GLT1D1: variants seen among roughly 807,000 people sequenced by gnomAD.
GLT1D1 encodes glycosyltransferase 1 domain-containing protein 1.
A neutral mutation model predicts 28.7 loss-of-function variants in GLT1D1; 21 were observed. The ratio of observed to expected loss-of-function variants is 0.73; its 90% CI spans 0.52 to 1.05. The LOEUF is 1.05. Ranked by LOEUF, GLT1D1 falls within the 50% of genes least tolerant of loss-of-function variation. The probability of loss-of-function intolerance (pLI) is 0.00; values close to 1 mark genes in which losing one functional copy is unlikely to be tolerated. For missense variants in GLT1D1, 343 were observed against 330.6 expected (o/e 1.04, Z -0.29); for synonymous variants, 147 against 124.8 (o/e 1.18, Z -1.19).
intron 4 of GLT1D1, among the ~76,000 whole-genome samples, chr12:128,942,727 TTTTC>T (rs1332366896): frequency 1.5e-5 from 2 of 137,736 alleles, no homozygotes; most frequent in Non-Finnish European, 3.0e-5. Flanking sequence ...TAGATTCCAA[TTTTC>T]TTTGTTTGTT....
At chr12:128,941,948 A>G (rs374535533) in intron 4 of GLT1D1, among the ~76,000 whole-genome samples, 1 of 45,230 alleles carries the variant, frequency 2.2e-5, no homozygotes, top group Non-Finnish European at 4.8e-5. Flanking sequence ...TGTTTTTATT[A>G]TTTAATAGCT....
At chr12:128,940,254 T>C (rs999594583) in intron 4 of GLT1D1, among the ~76,000 whole-genome samples, 5 of 152,196 alleles carry the variant, frequency 3.3e-5, no homozygotes, top group Admixed American at 3.3e-4. Flanking sequence ...TAGCAGTTAC[T>C]GTGTCCCAGG....
intron 4 of GLT1D1, among the ~76,000 whole-genome samples, chr12:128,904,623 CTTTTTTTTTTTTTTTT>C (rs59189244): frequency 0.4 from 55,419 of 139,536 alleles, 11,943 homozygotes; most frequent in Admixed American, 0.59. Flanking sequence ...TGAAAACAGT[CTTTTTTTTTTTTTTTT>C]TTTTTTTTTT....
chr12:128,893,229 A>G lies in GLT1D1; in HGVS notation c.323+4485A>G, dbSNP rs114609291. Among the ~76,000 whole-genome samples, 905 of 152,304 alleles carry G rather than the reference A, an allele frequency of 5.9e-3. 10 individuals are homozygous for G. The highest frequency in any genetic ancestry group is 0.021 in the African/African-American group (853 of 41,564). ...CATTGCACTGCAGCCTGGGTGAAAG[A>G]GGGAGACTCTGTCTCAAAAACAAAA... On this transcript the variant is annotated intron_variant, in intron 3 of 7. Coordinates refer to ENST00000281703, the MANE Select transcript of GLT1D1 (RefSeq NM_144669.3).
chr12:128,937,824 C>T (rs1434526710), intron 4 of GLT1D1, among the ~76,000 whole-genome samples: 1 of 152,172 alleles, frequency 6.6e-6, no homozygotes, highest in African/African-American at 2.4e-5. Context: ...GTGTTTGCTT[C>T]CCTTCCACCA....
At chr12:128,856,539 C>T (rs1036850898) in intron 1 of GLT1D1, among the ~76,000 whole-genome samples, 9 of 152,046 alleles carry the variant, frequency 5.9e-5, no homozygotes, top group African/African-American at 1.7e-4. Flanking sequence ...AAGCTAAGAC[C>T]GAAAAGAGGC....
intron 1 of GLT1D1, among the ~76,000 whole-genome samples, chr12:128,869,808 C>A (rs748225404): frequency 7.9e-5 from 12 of 152,112 alleles, no homozygotes; most frequent in Non-Finnish European, 1.3e-4. Context: ...ACCATCCTCA[C>A]CTCCAGTTCA....
At chr12:128,854,752 C>T (rs1956171795) in intron 1 of GLT1D1, among the ~76,000 whole-genome samples, 1 of 152,152 alleles carries the variant, frequency 6.6e-6, no homozygotes, top group Non-Finnish European at 1.5e-5. Flanking sequence ...CTGCCTCGGC[C>T]TCCCACAGTG....
chr12:128,875,192 A>G (rs1489722842), intron 1 of GLT1D1, among the ~76,000 whole-genome samples: 2 of 152,158 alleles, frequency 1.3e-5, no homozygotes, highest in African/African-American at 4.8e-5. Context: ...AGGCCCAAAA[A>G]CAATCTTTAG....
intron 7 of GLT1D1, among the ~76,000 whole-genome samples, chr12:128,962,092 C>T (rs1274335070): frequency 6.6e-6 from 1 of 152,008 alleles, no homozygotes; most frequent in African/African-American, 2.4e-5. Context: ...CCCTCCACCT[C>T]CCGCCACTTG....
intron 4 of GLT1D1, among the ~76,000 whole-genome samples, chr12:128,910,144 C>T (rs1406775511): frequency 2.0e-5 from 3 of 152,244 alleles, no homozygotes; most frequent in South Asian, 2.1e-4. Context: ...ATTTATGCAA[C>T]GCTTTTCAAA....
chr12:128,855,021 T>G (rs1259007014), intron 1 of GLT1D1, among the ~76,000 whole-genome samples: 1 of 152,010 alleles, frequency 6.6e-6, no homozygotes, highest in African/African-American at 2.4e-5. Flanking sequence ...TGTTCCTGGC[T>G]CTGTTGGATG....
At chr12:128,931,015 A>C (rs551772) in intron 4 of GLT1D1, among the ~76,000 whole-genome samples, 3 of 146,480 alleles carry the variant, frequency 2.0e-5, no homozygotes, top group African/African-American at 7.7e-5. Context: ...TTTTTTTTTT[A>C]AAATGAGACG....
intron 1 of GLT1D1, among the ~76,000 whole-genome samples, chr12:128,872,160 G>C (rs1354115810): frequency 6.6e-6 from 1 of 152,032 alleles, no homozygotes; most frequent in East Asian, 1.9e-4. Flanking sequence ...CACCATGTTG[G>C]TCAGGCTGGT....
At chr12:128,886,422 C>T (rs1868390836) in intron 2 of GLT1D1, among the ~76,000 whole-genome samples, 1 of 152,042 alleles carries the variant, frequency 6.6e-6, no homozygotes, top group East Asian at 1.9e-4. Context: ...CATCCTACTT[C>T]CCAAGACCCC....
intron 4 of GLT1D1, among the ~76,000 whole-genome samples, chr12:128,931,705 C>T (rs1300131704): frequency 6.6e-6 from 1 of 152,176 alleles, no homozygotes; most frequent in Non-Finnish European, 1.5e-5. Flanking sequence ...GTTTGTCTTC[C>T]CTCCTAAAGT....
At chr12:128,971,450 C>G (rs1295571636) in intron 7 of GLT1D1, among the ~76,000 whole-genome samples, 3 of 109,564 alleles carry the variant, frequency 2.7e-5, no homozygotes, top group African/African-American at 9.2e-5. Context: ...CCCTTCCTCT[C>G]TCCCTCCATC....
chr12:128,923,593 C>T (rs1009051809), intron 4 of GLT1D1, among the ~76,000 whole-genome samples: 2 of 151,770 alleles, frequency 1.3e-5, no homozygotes, highest in African/African-American at 4.8e-5. Flanking sequence ...ACCATCTCTG[C>T]TTACTGCAAC....
chr12:128,861,583 G>A (rs186618417), intron 1 of GLT1D1, among the ~76,000 whole-genome samples: 40 of 152,336 alleles, frequency 2.6e-4, no homozygotes, highest in Non-Finnish European at 2.4e-4. Context: ...GATGGCAAAT[G>A]TTGTCACACT....
Sources: allele counts gnomAD v4.1 joint callset (sites outside exome capture counted in the v4.1 genomes callset), GRCh38; gene constraint gnomAD v4.1.1; transcripts MANE v1.5; gene names NCBI Gene and HGNC (gene_info 2026-07-23, HGNC 2026-07-21).